The following PHACTR1 variants were observed in gnomAD, a reference collection of about 807,000 sequenced individuals.
PHACTR1 encodes the protein RPEL repeat containing 1.
A neutral mutation model predicts 69.2 loss-of-function variants in PHACTR1; 16 were observed. That is an observed-to-expected ratio of 0.23 (90% CI 0.16 to 0.35). PHACTR1 has a LOEUF of 0.35. Ranked by LOEUF, PHACTR1 falls within the 10% of genes least tolerant of loss-of-function variation. The pLI is 1.00. For missense variants in PHACTR1, 510 were observed against 734.7 expected (o/e 0.69, Z 3.54); for synonymous variants, 312 against 284.5 (o/e 1.10, Z -0.97).
chr6:12,978,588 C>A (rs967390937), intron 4 of PHACTR1, among the ~76,000 whole-genome samples: 2 of 152,228 alleles, frequency 1.3e-5, no homozygotes, highest in African/African-American at 4.8e-5. Context: ...CCTCCCCGCA[C>A]CCTGTGTCTT....
intron 4 of PHACTR1, among the ~76,000 whole-genome samples, chr6:13,025,326 G>C (rs1801530095): frequency 6.6e-6 from 1 of 152,104 alleles, no homozygotes; most frequent in Admixed American, 6.6e-5. Context: ...TATAATAGAA[G>C]AGTTATTCTT....
At chr6:12,781,695 C>A (rs1194520736) in intron 4 of PHACTR1, among the ~76,000 whole-genome samples, 1 of 152,186 alleles carries the variant, frequency 6.6e-6, no homozygotes, top group Non-Finnish European at 1.5e-5. Context: ...CAGGACCCAT[C>A]ACGTCACCAT....
intron 10 of PHACTR1, among the ~76,000 whole-genome samples, chr6:13,248,868 G>C (rs1048343738): frequency 6.6e-6 from 1 of 152,132 alleles, no homozygotes; most frequent in Non-Finnish European, 1.5e-5. Flanking sequence ...GAGAAAGTTG[G>C]CATAAAAAGC....
chr6:13,273,144 C>CTCT (rs2127451997), intron 11 of PHACTR1: 1 of 553,018 alleles, frequency 1.8e-6, no homozygotes, highest in East Asian at 3.2e-5. Flanking sequence ...GCAGGCAGAA[C>CTCT]CTTCCTTTTA....
Position 13,287,191 on chromosome 6 carries a change from T to C in PHACTR1, c.*113T>C. 9.2e-7 allele frequency: 1 copy of C among 1,081,962 alleles called. No homozygotes were observed. Among genetic ancestry groups the C allele is most frequent in the South Asian group, 1.6e-5 (1 of 64,376 alleles). The allele number at this position is 1,081,962 out of a possible 1,614,324, so 67.0% of individuals were successfully genotyped here. On this transcript the variant is annotated 3_prime_UTR_variant, in exon 15 of 15. Transcript: ENST00000332995. ...ACGATGTAAATCTTCTGAACTGCCT[T>C]TTTTTTAAAAAGAAGAAAAATCAAG...
rs77020825 is a variant in PHACTR1, at chr6:12,785,564, C to A, written c.250+35774C>A. Among the ~76,000 whole-genome samples, 991 of 152,272 alleles carry A rather than the reference C, an allele frequency of 6.5e-3. 6 individuals carry two copies. Among genetic ancestry groups the A allele is most frequent in the Non-Finnish European group, 0.011 (737 of 68,008 alleles). ...AAAACCAGAAGGAAAATTCAGATTT[C>A]TTCTCTTGTGTTGAAGCAAAAGTAG... On this transcript the variant is annotated intron_variant, in intron 4 of 14. Coordinates refer to ENST00000332995, the MANE Select transcript of PHACTR1 (RefSeq NM_030948.6).
chr6:13,223,110 C>T (rs1405786647), intron 8 of PHACTR1, among the ~76,000 whole-genome samples: 8 of 152,004 alleles, frequency 5.3e-5, no homozygotes, highest in Non-Finnish European at 8.8e-5. Flanking sequence ...ATATCATTTG[C>T]TTAGGATGAG....
chr6:13,248,012 C>T (rs2127389809), intron 10 of PHACTR1, among the ~76,000 whole-genome samples: 1 of 152,340 alleles, frequency 6.6e-6, no homozygotes, highest in East Asian at 1.9e-4. Context: ...GCACATCCTC[C>T]TTCAATTACT....
intron 4 of PHACTR1, among the ~76,000 whole-genome samples, chr6:12,772,009 A>G (rs1488252287): frequency 6.6e-6 from 1 of 152,196 alleles, no homozygotes; most frequent in Non-Finnish European, 1.5e-5. Flanking sequence ...CAAGCCGTAG[A>G]CGCCTAGTTT....
intron 4 of PHACTR1, among the ~76,000 whole-genome samples, chr6:12,764,896 A>G (rs919227497): frequency 1.3e-5 from 2 of 152,142 alleles, no homozygotes; most frequent in African/African-American, 4.8e-5. Flanking sequence ...TGGTGCTGGG[A>G]AGCATTGCAG....
At chr6:13,129,747 A>G (rs879471477) in intron 5 of PHACTR1, among the ~76,000 whole-genome samples, 1 of 152,206 alleles carries the variant, frequency 6.6e-6, no homozygotes, top group African/African-American at 2.4e-5. Flanking sequence ...TAGACAGGTC[A>G]TCACAACAGA....
At chr6:12,956,364 C>T (rs1791897511) in intron 4 of PHACTR1, among the ~76,000 whole-genome samples, 1 of 152,206 alleles carries the variant, frequency 6.6e-6, no homozygotes, top group Non-Finnish European at 1.5e-5. Flanking sequence ...AAGTTCCACT[C>T]ATGGGTCGAT....
intron 4 of PHACTR1, among the ~76,000 whole-genome samples, chr6:12,981,853 C>T (rs1795559648): frequency 6.6e-6 from 1 of 152,122 alleles, no homozygotes; most frequent in Non-Finnish European, 1.5e-5. Flanking sequence ...ATATTTTCTG[C>T]TTTATTCCCA....
intron 4 of PHACTR1, among the ~76,000 whole-genome samples, chr6:12,945,263 C>T (rs919797756): frequency 6.6e-6 from 1 of 152,214 alleles, no homozygotes; most frequent in African/African-American, 2.4e-5. Flanking sequence ...CCCCCAGATT[C>T]ATTGTCTTTC....
chr6:12,850,597 A>T (rs945188309), intron 4 of PHACTR1, among the ~76,000 whole-genome samples: 1 of 152,226 alleles, frequency 6.6e-6, no homozygotes, highest in Non-Finnish European at 1.5e-5. Flanking sequence ...AAGTACCAAA[A>T]TCTGAGTGGC....
intron 3 of PHACTR1, among the ~76,000 whole-genome samples, chr6:12,737,356 T>C (rs1409558726): frequency 6.6e-6 from 1 of 152,008 alleles, no homozygotes; most frequent in Non-Finnish European, 1.5e-5. Flanking sequence ...AATGCCATTA[T>C]GTGGCACATG....
Position 13,184,875 on chromosome 6 carries a change from A to C in PHACTR1, c.664+2189A>C, listed in dbSNP as rs77998548. On this transcript the variant is annotated intron_variant, in intron 7 of 14. Transcript: ENST00000332995. ...ATCCTTCAGCCAAACCAGTCCTGCT[A>C]CTGCCCCCCAAAAAACCTGCTGCTT... 1.4e-3 allele frequency: 1,941 copies of C among 1,366,534 alleles called. 27 individuals carry two copies. In the African/African-American group the frequency reaches 0.026, roughly 18 times the overall value. 84.7% of individuals were successfully genotyped at this position (1,366,534 alleles called of 1,614,324 possible). A position where few individuals can be genotyped will look rare whatever the true frequency, so the allele number is the denominator to read the frequency against.
At chr6:13,135,912 A>G (rs868399189) in intron 5 of PHACTR1, among the ~76,000 whole-genome samples, 2 of 152,106 alleles carry the variant, frequency 1.3e-5, no homozygotes, top group African/African-American at 4.8e-5. Context: ...GAAATAGAAA[A>G]AAAAAGAGAA....
At chr6:12,884,806 C>G (rs1783473059) in intron 4 of PHACTR1, among the ~76,000 whole-genome samples, 1 of 152,072 alleles carries the variant, frequency 6.6e-6, no homozygotes, top group Non-Finnish European at 1.5e-5. Flanking sequence ...GTACACTATA[C>G]ACACACACTC....
Sources: gnomAD v4.1 joint callset for allele counts (sites outside exome capture counted in the v4.1 genomes callset) on GRCh38, gnomAD v4.1.1 for gene constraint, MANE v1.5 for transcripts, NCBI Gene and HGNC (gene_info 2026-07-23, HGNC 2026-07-21) for gene names.